Variants in GALNT11 observed in about 807,000 individuals in gnomAD.
GALNT11 encodes the protein polypeptide N-acetylgalactosaminyltransferase 11.
Under a neutral mutation model 72.7 loss-of-function variants are expected in GALNT11, and 47 were observed. That is an observed-to-expected ratio of 0.65 (90% CI 0.51 to 0.82). The LOEUF (loss-of-function observed/expected upper bound fraction) is 0.82. Ranked by LOEUF, GALNT11 falls within the 40% of genes least tolerant of loss-of-function variation. GALNT11 has a pLI of 0.00. For missense variants in GALNT11, 677 were observed against 778.4 expected (o/e 0.87, Z 1.55); for synonymous variants, 270 against 286.6 (o/e 0.94, Z 0.58).
intron 1 of GALNT11, among the ~76,000 whole-genome samples, chr7:152,065,297 G>C (rs1035982494): frequency 6.6e-6 from 1 of 152,142 alleles, no homozygotes; most frequent in Non-Finnish European, 1.5e-5. Flanking sequence ...ATGGTTTTCA[G>C]CTCCATCAGG....
intron 1 of GALNT11, among the ~76,000 whole-genome samples, chr7:152,033,177 T>C (rs192690033): frequency 6.6e-6 from 1 of 152,292 alleles, no homozygotes; most frequent in African/African-American, 2.4e-5. Context: ...TCCGGGGCAG[T>C]GCGCCTTCCA....
At chr7:152,043,304 C>A (rs1419652656) in intron 1 of GALNT11, among the ~76,000 whole-genome samples, 1 of 152,188 alleles carries the variant, frequency 6.6e-6, no homozygotes, top group Non-Finnish European at 1.5e-5. Flanking sequence ...CCACCGGCTC[C>A]TGTTGGGACC....
chr7:152,082,694 A>G (rs997241923), intron 1 of GALNT11, among the ~76,000 whole-genome samples: 1 of 152,236 alleles, frequency 6.6e-6, no homozygotes, highest in African/African-American at 2.4e-5. Flanking sequence ...TTTGCTGCTA[A>G]GAGAAGTTAC....
At chr7:152,052,220 G>A in intron 1 of GALNT11, among the ~76,000 whole-genome samples, 1 of 151,968 alleles carries the variant, frequency 6.6e-6, no homozygotes. Flanking sequence ...ATATTCCATT[G>A]TGTGTATATA....
chr7:152,085,435 T>G (rs535611683), intron 1 of GALNT11, among the ~76,000 whole-genome samples: 31 of 152,334 alleles, frequency 2.0e-4, no homozygotes, highest in Admixed American at 1.8e-3. Context: ...ACTAGTTGTT[T>G]TGCCTTAAGT....
At chr7:152,100,729 C>A in intron 2 of GALNT11, 69 bp from the exon 3 acceptor site, 1 of 1,559,004 alleles carries the variant, frequency 6.4e-7, no homozygotes. Flanking sequence ...TTCTTAAGAT[C>A]ATAATATCGT....
In GALNT11 at chr7:152,111,805, A is replaced by C. The variant is rs547051422; in HGVS notation, c.1080+1160A>C. ...TAGTCAGGGTGACCAGATTTCCCTG[A>C]GGCCTAAGACCATCCTAGTTCATAC... is the stretch of plus-strand genomic sequence containing the variant. On this transcript the variant is annotated intron_variant, in intron 7 of 11. Transcript: ENST00000430044. Among the ~76,000 whole-genome samples the C allele has an allele frequency of 1.3e-4, 20 of 152,276 alleles. No individual in the cohort carries two copies. The East Asian group carries it at 3.9e-3, about 29-fold the overall frequency.
chr7:152,103,010 G>A lies in GALNT11; in HGVS notation c.420-102G>A. 4 of 1,111,904 alleles carry A rather than the reference G, an allele frequency of 3.6e-6. No individual in the cohort carries two copies. In the South Asian group the frequency reaches 5.2e-5, roughly 15 times the overall value. 68.9% of individuals were successfully genotyped at this position (1,111,904 alleles called of 1,614,324 possible). ...AAAAAAAAAAAAGGCAGGGGGTGGG[G>A]GAAGAGGGTGAACAAGGGGACAGTA... On this transcript the variant is annotated intron_variant, in intron 3 of 11. Transcript: ENST00000430044.
intron 8 of GALNT11, chr7:152,116,929 CTGG>C (rs754363095): frequency 7.6e-6 from 5 of 659,662 alleles, no homozygotes; most frequent in African/African-American, 1.8e-5. Context: ...GCAGACCCTC[CTGG>C]GAGTTTTCCG....
chr7:152,032,221 A>G (rs957168396), intron 1 of GALNT11, among the ~76,000 whole-genome samples: 1 of 151,306 alleles, frequency 6.6e-6, no homozygotes, highest in African/African-American at 2.4e-5. Context: ...CCAGTGCCTG[A>G]CCAAACAGAT....
At position 152,113,445 on chromosome 7, in the gene GALNT11, T is replaced by A. The variant is rs2088458978; in HGVS notation, c.1233+47T>A. ...AGAAGGATGAATGATAGGCCGGCAG[T>A]GACTGGCCTAGTGATAGCTTTAGTT... On this transcript the variant is annotated intron_variant, in intron 8 of 11. Coordinates refer to ENST00000430044, the MANE Select transcript of GALNT11 (RefSeq NM_022087.4). The A allele has an allele frequency of 3.8e-6, 6 of 1,593,730 alleles. No individual in the cohort carries two copies. The East Asian group carries it at 1.4e-4, about 36-fold the overall frequency.
chr7:152,070,565 TA>T (rs2084578908), intron 1 of GALNT11, among the ~76,000 whole-genome samples: 1 of 152,160 alleles, frequency 6.6e-6, no homozygotes, highest in Admixed American at 6.5e-5. Context: ...AAGCTAGCAG[TA>T]GGTCAAGTTC....
At chr7:152,029,822 C>T (rs2082219144) in intron 1 of GALNT11, among the ~76,000 whole-genome samples, 2 of 152,182 alleles carry the variant, frequency 1.3e-5, no homozygotes, top group African/African-American at 4.8e-5. Flanking sequence ...CTGGTCGGAC[C>T]TTTGTATGGT....
At position 152,076,061 on chromosome 7, in the gene GALNT11, CAAAAAAAAAAAAAA is replaced by C. The variant is rs71198757; in HGVS notation, c.-38-18113_-38-18100del. Among the ~76,000 whole-genome samples the C allele has an allele frequency of 5.4e-3, 383 of 71,372 alleles. 6 individuals are homozygous for C. The Middle Eastern group carries it at 0.058, about 11-fold the overall frequency. 46.8% of individuals were successfully genotyped at this position (71,372 alleles called of 152,430 possible). A position where few individuals can be genotyped will look rare whatever the true frequency, so the allele number is the denominator to read the frequency against. On this transcript the variant is annotated intron_variant, in intron 1 of 11. Transcript: ENST00000430044. ...TGGGCGACAGAGCGAGACTCCGTCTCAAAAAAAAAAAAAAAAAAAAAAAAAAAAAGAAGAAGAGA... is the reference window on the plus strand; with the variant it reads ...TGGGCGACAGAGCGAGACTCCGTCTCAAAAAAAAAAAAAAAGAAGAAGAGA...
At position 152,094,424 on chromosome 7, in the gene GALNT11, T is replaced by A; in HGVS notation, c.197T>A (p.Val66Glu). 1.2e-6 allele frequency: 2 copies of A among 1,614,118 alleles called. No individual in the cohort carries two copies. Among genetic ancestry groups the A allele is most frequent in the Non-Finnish European group, 1.7e-6 (2 of 1,180,020 alleles). The change falls in exon 2 of 12, where the codon GTG becomes GAG. Residue 66 changes from valine to glutamate, a missense_variant. Physicochemically the swap from Val to Glu is moderately radical, Grantham distance 121. Transcript: ENST00000430044. This position sits in a 1 kb window ranked among gnomAD's most constrained non-coding sequence, Gnocchi z 4.3. ...CGTTTCACTCGAGGCCCAAGTCGAG[T>A]GCTCGAGCCACAGTTCAAAGCAAAC... ...YPRFTRGPSR[V>E]LEPQFKANKI...
intron 8 of GALNT11, among the ~76,000 whole-genome samples, chr7:152,115,970 C>T (rs1055145659): frequency 2.0e-5 from 3 of 152,046 alleles, no homozygotes; most frequent in Non-Finnish European, 2.9e-5. Context: ...GCAGGAGAAT[C>T]GCTTGAACCT....
chr7:152,108,038 G>A lies in GALNT11; in HGVS notation c.713G>A (p.Gly238Glu). The A allele has an allele frequency of 6.2e-7, 1 of 1,606,424 alleles. No individual in the cohort carries two copies. Among genetic ancestry groups the A allele is most frequent in the African/African-American group, 1.3e-5 (1 of 74,962 alleles). ...TGAGCCTCTGTTGTTTCCTCCCCAG[G>A]AGAAGTCCTTGTGTTCCTGGACAGC... Reference protein sequence around the residue: ...GRMIGAAHATGEVLVFLDSHC... With the variant: ...GRMIGAAHATEEVLVFLDSHC... The change falls in exon 6 of 12, where the codon GGA becomes GAA. Residue 238 changes from glycine (G) to glutamate (E), a missense_variant and splice_region_variant. Gly to Glu is a moderately conservative substitution (Grantham distance 98, BLOSUM62 -2). Coordinates refer to ENST00000430044, the MANE Select transcript of GALNT11 (RefSeq NM_022087.4).
intron 10 of GALNT11, 69 bp from the exon 11 acceptor site, chr7:152,120,762 A>G (rs1461198138): frequency 7.6e-7 from 1 of 1,320,872 alleles, no homozygotes; most frequent in Admixed American, 1.8e-5. Context: ...CAATATGTGG[A>G]AGAATATGCA....
At chr7:152,120,619 C>G (rs1047650776) in intron 10 of GALNT11, 1 of 514,040 alleles carries the variant, frequency 1.9e-6, no homozygotes, top group Non-Finnish European at 3.4e-6. Flanking sequence ...TCAGCCACTG[C>G]TTAGGTTTCT....
Sources: allele counts gnomAD v4.1 joint callset (sites outside exome capture counted in the v4.1 genomes callset), GRCh38; gene constraint gnomAD v4.1.1; non-coding constraint Gnocchi (gnomAD v3.1); transcripts MANE v1.5; gene names NCBI Gene and HGNC (gene_info 2026-07-23, HGNC 2026-07-21).